Variants in TMEM132C observed in about 807,000 individuals in gnomAD.
TMEM132C encodes protein phosphatase 1, regulatory subunit 152.
A neutral mutation model predicts 61.4 loss-of-function variants in TMEM132C; 29 were observed. The observed-to-expected ratio is 0.47, with a 90% CI of 0.35 to 0.64. TMEM132C has a LOEUF of 0.64. Ranked by LOEUF, TMEM132C falls within the 30% of genes least tolerant of loss-of-function variation. TMEM132C has a pLI of 0.00. For missense variants in TMEM132C, 1,408 were observed against 1,476.9 expected, an observed-to-expected ratio of 0.95 and a Z score of 0.76; for synonymous variants, 656 against 633.1, an observed-to-expected ratio of 1.04 and a Z score of -0.54.
chr12:128,268,476 G>A (rs962716648), intron 1 of TMEM132C, among the ~76,000 whole-genome samples: 3 of 152,148 alleles, frequency 2.0e-5, no homozygotes, highest in African/African-American at 4.8e-5. Flanking sequence ...GGCGCGCCCA[G>A]GGCGTAGAAA....
intron 2 of TMEM132C, among the ~76,000 whole-genome samples, chr12:128,488,669 T>A (rs1473476613): frequency 1.3e-5 from 2 of 151,590 alleles, no homozygotes; most frequent in African/African-American, 2.4e-5. Context: ...TCAAAAAAAA[T>A]ATAGAAAGAT....
chr12:128,290,440 C>A (rs1315975072), intron 1 of TMEM132C, among the ~76,000 whole-genome samples: 2 of 152,108 alleles, frequency 1.3e-5, no homozygotes, highest in Non-Finnish European at 2.9e-5. Context: ...CCCCCATGAT[C>A]CATTCACCCC....
intron 2 of TMEM132C, among the ~76,000 whole-genome samples, chr12:128,514,687 A>G (rs1872666678): frequency 6.6e-6 from 1 of 152,190 alleles, no homozygotes; most frequent in Non-Finnish European, 1.5e-5. Flanking sequence ...ATGGAACCCA[A>G]GAGTGAGAAT....
chr12:128,464,804 GGGAGGAAGGAAGAAAAT>G (rs1870671876), intron 2 of TMEM132C, among the ~76,000 whole-genome samples: 1 of 151,124 alleles, frequency 6.6e-6, no homozygotes, highest in African/African-American at 2.4e-5. Flanking sequence ...GAGGGAGGGA[GGGAGGAAGGAAGAAAAT>G]AAATAGAATA....
chr12:128,480,641 A>G (rs1341818032), intron 2 of TMEM132C, among the ~76,000 whole-genome samples: 1 of 151,912 alleles, frequency 6.6e-6, no homozygotes, highest in Non-Finnish European at 1.5e-5. Context: ...GGACCGCGTC[A>G]GAGCTGAATT....
At chr12:128,269,162 T>A (rs1870425373) in intron 1 of TMEM132C, among the ~76,000 whole-genome samples, 1 of 152,112 alleles carries the variant, frequency 6.6e-6, no homozygotes, top group South Asian at 2.1e-4. Context: ...CTCCCAGCAG[T>A]TTTTTGTTGA....
chr12:128,577,844 G>A (rs1387215180), intron 3 of TMEM132C, among the ~76,000 whole-genome samples: 1 of 152,170 alleles, frequency 6.6e-6, no homozygotes, highest in African/African-American at 2.4e-5. Context: ...CTTATTAGAA[G>A]GCTTGAAATA....
intron 4 of TMEM132C, among the ~76,000 whole-genome samples, chr12:128,667,102 T>G (rs536560966): frequency 9.0e-4 from 137 of 152,174 alleles, no homozygotes; most frequent in African/African-American, 3.1e-3. Flanking sequence ...TAGATAGAGA[T>G]AGAGATAGAG....
chr12:128,518,298 AGTT>A lies in TMEM132C; in HGVS notation c.975-25655_975-25653del, dbSNP rs1872786267. The stretch of plus-strand genomic sequence containing the variant: ...CTAGGAGTCTTTTATTTTTGTCTGG[AGTT>A]GTTTTGCAATTAACCCACGAGTTTT... On this transcript the variant is annotated intron_variant, in intron 2 of 8. Transcript: ENST00000435159. Among the ~76,000 whole-genome samples, 3 of 152,192 alleles carry A rather than the reference AGTT, an allele frequency of 2.0e-5. No homozygotes were observed. The South Asian group carries it at 6.2e-4, about 32-fold the overall frequency.
At chr12:128,354,254 G>C (rs1481972415) in intron 1 of TMEM132C, among the ~76,000 whole-genome samples, 1 of 152,050 alleles carries the variant, frequency 6.6e-6, no homozygotes, top group Non-Finnish European at 1.5e-5. Flanking sequence ...TGATGACCCT[G>C]TACCCTTCCC....
At chr12:128,496,377 C>T (rs1871959244) in intron 2 of TMEM132C, among the ~76,000 whole-genome samples, 1 of 152,090 alleles carries the variant, frequency 6.6e-6, no homozygotes, top group South Asian at 2.1e-4. Context: ...TGAATGTTGG[C>T]CTGCCTTACT....
rs191619635 is a variant in TMEM132C at position 128,469,232 on chromosome 12, G to T, written c.974+53612G>T. Among the ~76,000 whole-genome samples, 54 of 151,886 alleles carry T rather than the reference G, an allele frequency of 3.6e-4. No individual in the cohort carries two copies. The East Asian group carries it at 0.01, about 29-fold the overall frequency. On this transcript the variant is annotated intron_variant, in intron 2 of 8. Transcript: ENST00000435159. ...TAATAAAGATAGCATTTAAAGCAGG[G>T]TTTCTCATTTTTTGATCATGCACAG...
chr12:128,635,946 G>A (rs551180284), intron 4 of TMEM132C, among the ~76,000 whole-genome samples: 4 of 152,268 alleles, frequency 2.6e-5, no homozygotes, highest in African/African-American at 7.2e-5. Context: ...CCCAGAAGTC[G>A]GGTCTAGCCA....
intron 2 of TMEM132C, among the ~76,000 whole-genome samples, chr12:128,492,850 G>C (rs1005528334): frequency 2.0e-5 from 3 of 152,178 alleles, no homozygotes; most frequent in African/African-American, 7.2e-5. Context: ...AAGCTCTTTA[G>C]TTTAATTGGT....
intron 4 of TMEM132C, among the ~76,000 whole-genome samples, chr12:128,656,014 C>G (rs1359827951): frequency 6.6e-6 from 1 of 152,146 alleles, no homozygotes; most frequent in East Asian, 1.9e-4. Flanking sequence ...TAGGCTTCTC[C>G]TATCTTACCT....
rs574811333 is a variant in TMEM132C at position 128,537,182 on chromosome 12, A to G, written c.975-6775A>G. ...GACATCAAAAGATGAAGCAGAGGAC[A>G]TGAAACCCCTCACTGTGCATCCTCA... On this transcript the variant is annotated intron_variant, in intron 2 of 8. Transcript: ENST00000435159. Among the ~76,000 whole-genome samples the G allele has an allele frequency of 1.8e-4, 27 of 152,350 alleles. No homozygotes were observed. In the East Asian group the frequency reaches 4.6e-3, roughly 26 times the overall value.
chr12:128,415,201 C>T lies in TMEM132C; in HGVS notation c.555C>T (p.Cys185=). The change falls in exon 2 of 9, where the codon TGC becomes TGT. Residue 185 remains cysteine, a synonymous_variant. Transcript: ENST00000435159. This position sits in a 1 kb window ranked among gnomAD's most constrained non-coding sequence, Gnocchi z 5.8. Reference sequence around the variant, plus strand: ...AAACCAGAGAGGTGCGGGGCAGCTGCCGGCTGAAGGGGGACCTGGGGCTGT... The same window carrying T: ...AAACCAGAGAGGTGCGGGGCAGCTGTCGGCTGAAGGGGGACCTGGGGCTGT... ...FRETREVRGS[C]RLKGDLGLCV... 1 of 1,610,724 alleles carries T rather than the reference C, an allele frequency of 6.2e-7. No homozygotes were observed. The highest frequency in any genetic ancestry group is 8.5e-7 in the Non-Finnish European group (1 of 1,178,528).
intron 1 of TMEM132C, among the ~76,000 whole-genome samples, chr12:128,282,636 G>T (rs1458184490): frequency 1.3e-5 from 2 of 152,334 alleles, no homozygotes; most frequent in Non-Finnish European, 2.9e-5. Flanking sequence ...GGGACACAGA[G>T]CCAAACCATA....
At chr12:128,296,179 A>G (rs1593001439) in intron 1 of TMEM132C, among the ~76,000 whole-genome samples, 1 of 152,232 alleles carries the variant, frequency 6.6e-6, no homozygotes, top group East Asian at 1.9e-4. Flanking sequence ...CCTATCCAGC[A>G]TTGAGACCTG....
Sources: gnomAD v4.1 joint callset for allele counts (sites outside exome capture counted in the v4.1 genomes callset) on GRCh38, gnomAD v4.1.1 for gene constraint, Gnocchi (gnomAD v3.1) non-coding constraint, MANE v1.5 for transcripts, NCBI Gene and HGNC (gene_info 2026-07-23, HGNC 2026-07-21) for gene names.